The following NUBPL variants were observed in gnomAD, a reference collection of about 807,000 sequenced individuals.
NUBPL encodes iron-sulfur cluster transfer protein NUBPL.
Under a neutral mutation model 45.7 loss-of-function variants are expected in NUBPL, and 31 were observed. That is an observed-to-expected ratio of 0.68 (90% CI 0.51 to 0.92). The LOEUF is 0.92. NUBPL is among the 40% of genes least tolerant of loss of function. The probability of loss-of-function intolerance (pLI) is 0.00; values close to 1 mark genes in which losing one functional copy is unlikely to be tolerated. For synonymous variants in NUBPL, 144 were observed against 140.9 expected, an observed-to-expected ratio of 1.02 and a Z score of -0.15; for missense variants, 401 against 398.7, an observed-to-expected ratio of 1.01 and a Z score of -0.05.
intron 6 of NUBPL, among the ~76,000 whole-genome samples, chr14:31,747,497 A>C (rs529157244): frequency 2.6e-5 from 4 of 152,052 alleles, no homozygotes; most frequent in African/African-American, 9.6e-5. Flanking sequence ...ATTACTCATT[A>C]TTGGCCTGCT....
At chr14:31,574,057 AG>A (rs1472909239) in intron 3 of NUBPL, among the ~76,000 whole-genome samples, 1 of 152,216 alleles carries the variant, frequency 6.6e-6, no homozygotes, top group Admixed American at 6.5e-5. Context: ...GTGTTGGATA[AG>A]GTGCCTATAG....
intron 3 of NUBPL, among the ~76,000 whole-genome samples, chr14:31,576,513 A>G (rs1183808978): frequency 1.3e-5 from 2 of 152,142 alleles, no homozygotes; most frequent in African/African-American, 4.8e-5. Context: ...TTCCTCCTTT[A>G]GCCTCACAAA....
At chr14:31,658,205 T>C (rs2036186877) in intron 4 of NUBPL, among the ~76,000 whole-genome samples, 1 of 152,232 alleles carries the variant, frequency 6.6e-6, no homozygotes, top group Non-Finnish European at 1.5e-5. Flanking sequence ...ATCTCATGTA[T>C]GTTGGAGTAA....
chr14:31,756,422 TG>T (rs1298348230), intron 6 of NUBPL, among the ~76,000 whole-genome samples: 3 of 152,120 alleles, frequency 2.0e-5, no homozygotes, highest in African/African-American at 7.3e-5. Context: ...TCACGTCCCT[TG>T]TAAGTTGGAT....
chr14:31,592,029 A>G (rs2034155412), intron 3 of NUBPL, among the ~76,000 whole-genome samples: 1 of 152,202 alleles, frequency 6.6e-6, no homozygotes, highest in Non-Finnish European at 1.5e-5. Context: ...GAGGAGGGGT[A>G]GTGCTTAAGG....
chr14:31,753,618 C>T (rs1327727549), intron 6 of NUBPL, among the ~76,000 whole-genome samples: 1 of 152,086 alleles, frequency 6.6e-6, no homozygotes, highest in African/African-American at 2.4e-5. Flanking sequence ...TGGCACTATT[C>T]CCAAAAAGGT....
intron 4 of NUBPL, among the ~76,000 whole-genome samples, chr14:31,599,752 G>C (rs1167869409): frequency 6.6e-6 from 1 of 152,086 alleles, no homozygotes; most frequent in Non-Finnish European, 1.5e-5. Context: ...AGCAGTCATA[G>C]TGGTGGTGGG....
intron 6 of NUBPL, among the ~76,000 whole-genome samples, chr14:31,732,609 CTTT>C (rs71986817): frequency 8.6e-5 from 7 of 81,042 alleles, no homozygotes; most frequent in African/African-American, 2.5e-4. Flanking sequence ...AATTTGTTCT[CTTT>C]TTTTTTTTTT....
intron 6 of NUBPL, among the ~76,000 whole-genome samples, chr14:31,766,553 C>T (rs1250714002): frequency 6.6e-6 from 1 of 152,158 alleles, no homozygotes; most frequent in Non-Finnish European, 1.5e-5. Flanking sequence ...CTCAAAGAAA[C>T]AAGTAGCCCC....
chr14:31,636,020 A>G (rs1232880954), intron 4 of NUBPL, among the ~76,000 whole-genome samples: 1 of 152,126 alleles, frequency 6.6e-6, no homozygotes, highest in African/African-American at 2.4e-5. Flanking sequence ...TAAATATACA[A>G]TCATGTCATC....
chr14:31,810,178 C>G (rs893616602), intron 7 of NUBPL, among the ~76,000 whole-genome samples: 3 of 152,024 alleles, frequency 2.0e-5, no homozygotes, highest in Non-Finnish European at 4.4e-5. Flanking sequence ...TCCTTGTTAA[C>G]CTTATGTCTT....
chr14:31,802,273 CTTCTTCTTCTTCT>C, intron 7 of NUBPL, among the ~76,000 whole-genome samples: 1 of 40,590 alleles, frequency 2.5e-5, no homozygotes, highest in East Asian at 9.5e-4. Context: ...TGCCCTTCTT[CTTCTTCTTCTTCT>C]TTTTTTTTTT....
intron 4 of NUBPL, among the ~76,000 whole-genome samples, chr14:31,640,614 CAAAAAAAAA>C (rs59871107): frequency 2.1e-5 from 2 of 97,030 alleles, no homozygotes; most frequent in Admixed American, 1.0e-4. Flanking sequence ...GACTCTGTCT[CAAAAAAAAA>C]AAAAAAAAAG....
chr14:31,595,083 CTG>C (rs1038392756), intron 3 of NUBPL, among the ~76,000 whole-genome samples: 1 of 152,196 alleles, frequency 6.6e-6, no homozygotes, highest in African/African-American at 2.4e-5. Context: ...AGTATCAAAA[CTG>C]TGGTTCGTGT....
intron 7 of NUBPL, among the ~76,000 whole-genome samples, chr14:31,798,587 A>T (rs1355353131): frequency 6.6e-6 from 1 of 151,490 alleles, no homozygotes; most frequent in Non-Finnish European, 1.5e-5. Flanking sequence ...GGTCGGGAGA[A>T]CGAGACCATC....
intron 6 of NUBPL, among the ~76,000 whole-genome samples, chr14:31,757,527 T>G (rs2038696700): frequency 6.6e-6 from 1 of 152,192 alleles, no homozygotes; most frequent in South Asian, 2.1e-4. Context: ...AGTTTGTATT[T>G]CTGTGGGATC....
chr14:31,596,861 A>G (rs555350808), intron 3 of NUBPL, among the ~76,000 whole-genome samples: 1 of 152,322 alleles, frequency 6.6e-6, no homozygotes, highest in South Asian at 2.1e-4. Context: ...AAAAAATGTA[A>G]ATAAAATGCT....
At chr14:31,673,693 T>C in intron 6 of NUBPL, 119 bp downstream of exon 6, 1 of 850,360 alleles carries the variant, frequency 1.2e-6, no homozygotes, top group South Asian at 1.4e-5. Context: ...GAATGTATAA[T>C]GCGTAATATG....
intron 6 of NUBPL, among the ~76,000 whole-genome samples, chr14:31,728,309 TTTA>T (rs1005520938): frequency 5.9e-5 from 9 of 151,700 alleles, no homozygotes; most frequent in Admixed American, 5.2e-4. Context: ...TATAAATTTA[TTTA>T]TTATTATTAT....
Sources: gnomAD v4.1 joint callset for allele counts (sites outside exome capture counted in the v4.1 genomes callset) on GRCh38, gnomAD v4.1.1 for gene constraint, MANE v1.5 for transcripts, NCBI Gene and HGNC (gene_info 2026-07-23, HGNC 2026-07-21) for gene names.